The following GRM4 variants were observed in gnomAD, a reference collection of about 807,000 sequenced individuals.
GRM4 encodes the protein glutamate metabotropic receptor 4.
A neutral mutation model predicts 81.7 loss-of-function variants in GRM4; 28 were observed. The ratio of observed to expected loss-of-function variants is 0.34; its 90% CI spans 0.25 to 0.47. The LOEUF is 0.47. Among genes scored for constraint, GRM4 ranks in the 20% least tolerant of loss-of-function variants. GRM4 has a pLI of 1.00. For synonymous variants in GRM4, 488 were observed against 528.8 expected, an observed-to-expected ratio of 0.92 and a Z score of 1.06; for missense variants, 948 against 1,290.0, an observed-to-expected ratio of 0.73 and a Z score of 4.06.
intron 6 of GRM4, among the ~76,000 whole-genome samples, chr6:34,045,831 A>T (rs920078351): frequency 6.7e-6 from 1 of 150,134 alleles, no homozygotes; most frequent in Admixed American, 6.6e-5. Flanking sequence ...CAAATTCCAG[A>T]CACATGGCAG....
At chr6:34,081,117 G>GT (rs200587811) in intron 3 of GRM4, among the ~76,000 whole-genome samples, 1,553 of 152,288 alleles carry the variant, frequency 0.01, 29 homozygotes, top group African/African-American at 0.035. Context: ...GGAGGACTCA[G>GT]TCTTCCCACC....
intron 2 of GRM4, among the ~76,000 whole-genome samples, chr6:34,122,392 C>T (rs963359578): frequency 2.0e-5 from 3 of 152,052 alleles, no homozygotes; most frequent in African/African-American, 4.8e-5. Context: ...CCCGCAACAG[C>T]GCTGCGGGCC....
At position 34,121,960 on chromosome 6, in the gene GRM4, A is replaced by G. The variant is rs1581718821; in HGVS notation, c.519+11018T>C. Among the ~76,000 whole-genome samples the G allele has an allele frequency of 3.0e-5, 4 of 131,670 alleles. No individual in the cohort carries two copies. The highest frequency in any genetic ancestry group is 2.7e-4 in the South Asian group (1 of 3,674). The allele number at this position is 131,670 out of a possible 152,430, so 86.4% of individuals were successfully genotyped here. ...GGGATTGAGGGGCACCCTGAGTCGG[A>G]GGGAGGGGTCTGGGTGGGGCGGGTG... On this transcript the variant is annotated intron_variant, in intron 2 of 10. Coordinates refer to ENST00000538487, the MANE Select transcript of GRM4 (RefSeq NM_000841.4). This position sits in a 1 kb window ranked among gnomAD's most constrained non-coding sequence, Gnocchi z 4.6.
chr6:34,155,057 G>C (rs1771121436), intron 1 of GRM4: 1 of 1,484,076 alleles, frequency 6.7e-7, no homozygotes, highest in Non-Finnish European at 9.0e-7. Flanking sequence ...GACACGCCCG[G>C]ATTGAGAGGC....
At chr6:34,146,675 G>T (rs1770940236), upstream of GRM4, among the ~76,000 whole-genome samples, 1 of 152,214 alleles carries the variant, frequency 6.6e-6, no homozygotes, top group Admixed American at 6.5e-5. Context: ...GGGGAAGAAG[G>T]TGGCAGGCAG....
chr6:34,106,316 G>A (rs1351608835), intron 2 of GRM4, among the ~76,000 whole-genome samples: 1 of 151,982 alleles, frequency 6.6e-6, no homozygotes. Context: ...TCAGGAGGCT[G>A]GGGCAGGAGA....
rs1473342035 is a variant in GRM4 at position 34,036,312 on chromosome 6, C to T, written c.1798G>A (p.Ala600Thr). 4.3e-6 allele frequency: 7 copies of T among 1,613,922 alleles called. No homozygotes were observed. The highest frequency in any genetic ancestry group is 2.2e-5 in the South Asian group (2 of 91,086). ...LPLFLAVVGI[A>T]ATLFVVITFV... ...GTGATCACCACGAACAACGTGGCAG[C>T]GATGCCCACCACGGCCAGGAAGAGG... is the stretch of plus-strand genomic sequence containing the variant. Residue 600 changes from alanine (A) to threonine (T), a missense_variant, in exon 9 of 11, where the codon GCT becomes ACT. Physicochemically the swap from Ala to Thr is moderately conservative, Grantham distance 58. Transcript: ENST00000538487. This position sits in a 1 kb window ranked among gnomAD's most constrained non-coding sequence, Gnocchi z 9.0.
intron 2 of GRM4, among the ~76,000 whole-genome samples, chr6:34,128,847 G>C (rs1033760815): frequency 6.6e-6 from 1 of 151,996 alleles, no homozygotes; most frequent in South Asian, 2.1e-4. Flanking sequence ...GCTGTGCAGC[G>C]CCCCCTTCTC....
chr6:34,121,783 C>T lies in GRM4; in HGVS notation c.519+11195G>A, dbSNP rs1769821498. On this transcript the variant is annotated intron_variant, in intron 2 of 10. Coordinates refer to ENST00000538487, the MANE Select transcript of GRM4 (RefSeq NM_000841.4). The surrounding 1 kb of genome is among the most constrained non-coding windows in gnomAD (Gnocchi z 4.6). ...GGGAGGAGGGACAGGAAGGAGAATCCAGCCTTCTCCTCACACATGGGCCCA... is the reference window on the plus strand; with the variant it reads ...GGGAGGAGGGACAGGAAGGAGAATCTAGCCTTCTCCTCACACATGGGCCCA... Among the ~76,000 whole-genome samples, 1 of 152,146 alleles carries T rather than the reference C, an allele frequency of 6.6e-6. No individual in the cohort carries two copies. Among genetic ancestry groups the T allele is most frequent in the Non-Finnish European group, 1.5e-5 (1 of 68,026 alleles).
chr6:34,080,863 CAT>C lies in GRM4; in HGVS notation c.736+11018_736+11019del, dbSNP rs1561798554. ...ACACACACATACACACACACATACA[CAT>C]ACATATACACACACACACACACACA... On this transcript the variant is annotated intron_variant, in intron 3 of 10. Coordinates refer to ENST00000538487, the MANE Select transcript of GRM4 (RefSeq NM_000841.4). The surrounding 1 kb of genome is among the most constrained non-coding windows in gnomAD (Gnocchi z 5.4). 1.6e-5 allele frequency among the ~76,000 whole-genome samples: 2 copies of C among 128,404 alleles called. No individual in the cohort carries two copies. The highest frequency in any genetic ancestry group is 7.5e-5 in the Admixed American group (1 of 13,274). 84.2% of individuals were successfully genotyped at this position (128,404 alleles called of 152,430 possible).
intron 9 of GRM4, among the ~76,000 whole-genome samples, chr6:34,033,035 T>C (rs571569526): frequency 6.6e-6 from 1 of 152,242 alleles, no homozygotes; most frequent in African/African-American, 2.4e-5. Context: ...CCCTGCTGGC[T>C]CCATGGGGCC....
At chr6:34,107,359 C>G (rs1320901403) in intron 2 of GRM4, among the ~76,000 whole-genome samples, 2 of 152,134 alleles carry the variant, frequency 1.3e-5, no homozygotes, top group Admixed American at 1.3e-4. Context: ...TCCTGAGCAC[C>G]CTCTATGTGC....
At chr6:34,116,819 A>C (rs1769618328) in intron 2 of GRM4, among the ~76,000 whole-genome samples, 1 of 152,208 alleles carries the variant, frequency 6.6e-6, no homozygotes, top group Admixed American at 6.5e-5. Context: ...ACAATGATAC[A>C]ATGAAAGAGT....
Position 34,133,756 on chromosome 6 carries a change from C to T in GRM4, c.-260G>A, listed in dbSNP as rs771506825. ...AGGCTCTGATCCTTGTCCCGTCCTG[C>T]AGGCCTGTTCTCGGTGGATGACTGT... On this transcript the variant is annotated 5_prime_UTR_variant, in exon 2 of 11. Coordinates refer to ENST00000538487, the MANE Select transcript of GRM4 (RefSeq NM_000841.4). The surrounding 1 kb of genome is among the most constrained non-coding windows in gnomAD (Gnocchi z 6.5). The T allele has an allele frequency of 1.1e-5, 14 of 1,240,438 alleles. No homozygotes were observed. The highest frequency in any genetic ancestry group is 4.1e-5 in the Admixed American group (1 of 24,364). 76.8% of individuals were successfully genotyped at this position (1,240,438 alleles called of 1,614,324 possible). A position where few individuals can be genotyped will look rare whatever the true frequency, so the allele number is the denominator to read the frequency against.
chr6:34,056,668 G>A lies in GRM4; in HGVS notation c.1044C>T (p.Phe348=). The A allele has an allele frequency of 1.2e-6, 2 of 1,613,558 alleles. No homozygotes were observed. The highest frequency in any genetic ancestry group is 1.7e-6 in the Non-Finnish European group (2 of 1,179,846). ...GGTTGTTGTCCAGCGTGCGGCTGGA[G>A]AAGTAGCGGTCGAAGCCTGGCAGGG... ...RMSVRGFDRY[F]SSRTLDNNRR... Residue 348 remains phenylalanine (F), a synonymous_variant, in exon 6 of 11, where the codon TTC becomes TTT. Coordinates refer to ENST00000538487, the MANE Select transcript of GRM4 (RefSeq NM_000841.4).
At chr6:34,053,195 A>G (rs1401330795) in intron 6 of GRM4, among the ~76,000 whole-genome samples, 2 of 152,210 alleles carry the variant, frequency 1.3e-5, no homozygotes, top group East Asian at 3.8e-4. Context: ...CAGAGAAGTT[A>G]GATAACTTGT....
chr6:34,079,914 C>T (rs1004998770), intron 3 of GRM4, among the ~76,000 whole-genome samples: 3 of 152,320 alleles, frequency 2.0e-5, no homozygotes, highest in African/African-American at 7.2e-5. Context: ...CCCTGCACAA[C>T]AGCCAGAGGG....
At chr6:34,044,047 TAGAC>T (rs35269977) in intron 6 of GRM4, among the ~76,000 whole-genome samples, 2,057 of 150,090 alleles carry the variant, frequency 0.014, 26 homozygotes, top group Middle Eastern at 0.041. Context: ...CACACACACA[TAGAC>T]ATACATACAT....
intron 10 of GRM4, among the ~76,000 whole-genome samples, chr6:34,027,559 G>A (rs980926326): frequency 2.0e-5 from 3 of 152,196 alleles, no homozygotes; most frequent in African/African-American, 7.2e-5. Flanking sequence ...CCCATGTCCC[G>A]GGTCCCCATA....
Sources: allele counts gnomAD v4.1 joint callset (sites outside exome capture counted in the v4.1 genomes callset), GRCh38; gene constraint gnomAD v4.1.1; non-coding constraint Gnocchi (gnomAD v3.1); transcripts MANE v1.5; gene names NCBI Gene and HGNC (gene_info 2026-07-23, HGNC 2026-07-21).